The following PTGFRN variants were observed in gnomAD, a reference collection of about 807,000 sequenced individuals.
PTGFRN encodes prostaglandin F2 receptor negative regulator.
Under a neutral mutation model 83.2 loss-of-function variants are expected in PTGFRN, and 35 were observed. The observed-to-expected ratio is 0.42, with a 90% CI of 0.32 to 0.56. The LOEUF (loss-of-function observed/expected upper bound fraction) is 0.56, where lower values mean the gene tolerates loss of function less well. PTGFRN is among the 20% of genes least tolerant of loss of function. PTGFRN has a pLI of 0.11. For missense variants in PTGFRN, 1,051 were observed against 1,179.5 expected (o/e 0.89, Z 1.60); for synonymous variants, 519 against 498.6 (o/e 1.04, Z -0.55).
intron 5 of PTGFRN, among the ~76,000 whole-genome samples, chr1:116,964,548 A>G (rs577746862): frequency 1.3e-5 from 2 of 152,162 alleles, no homozygotes; most frequent in South Asian, 2.1e-4. Context: ...CTTCTTTTCT[A>G]TTTAACCTCA....
chr1:116,973,170 G>A (rs1651052336), intron 6 of PTGFRN, among the ~76,000 whole-genome samples: 4 of 151,962 alleles, frequency 2.6e-5, no homozygotes, highest in South Asian at 2.1e-4. Flanking sequence ...TACCTGCCTC[G>A]GCCTCCCAAA....
At chr1:116,951,217 G>A (rs1480922422) in intron 4 of PTGFRN, among the ~76,000 whole-genome samples, 2 of 152,246 alleles carry the variant, frequency 1.3e-5, no homozygotes, top group Admixed American at 1.3e-4. Context: ...TGCAGGGACT[G>A]TCAGACAACA....
chr1:116,936,908 TCTA>T (rs1196315409), intron 1 of PTGFRN, among the ~76,000 whole-genome samples: 1 of 152,126 alleles, frequency 6.6e-6, no homozygotes. Flanking sequence ...GAACTTACAT[TCTA>T]CTGGGGAAAA....
At chr1:116,986,003 T>C (rs951301587) in intron 8 of PTGFRN, among the ~76,000 whole-genome samples, 1 of 152,232 alleles carries the variant, frequency 6.6e-6, no homozygotes, top group Admixed American at 6.5e-5. Flanking sequence ...AAAAGCCTTT[T>C]GAGTGTTTCC....
Position 116,988,198 on chromosome 1 carries a change from G to A in PTGFRN, c.*1231G>A, listed in dbSNP as rs1047499528. ...CACTGCAGGGGGTTAGTGAGAAAGG[G>A]TATACTTTGTGGTATGTTTTGCTTT... On this transcript the variant is annotated 3_prime_UTR_variant, in exon 9 of 9. Transcript: ENST00000393203. The A allele has an allele frequency of 7.9e-5, 12 of 152,198 alleles. No homozygotes were observed. The highest frequency in any genetic ancestry group is 2.9e-4 in the African/African-American group (12 of 41,442). The allele number at this position is 152,198 out of a possible 1,614,324, so 9.4% of individuals were successfully genotyped here.
rs746902415 is a variant in PTGFRN, at chr1:116,949,194, C to G, written c.835C>G (p.Leu279Val). 5 of 1,571,476 alleles carry G rather than the reference C, an allele frequency of 3.2e-6. No homozygotes were observed. In the Admixed American group the frequency reaches 9.2e-5, roughly 29 times the overall value. ...TGTATTTGTTTTTAATTTTCAAGTT[C>G]TGCGAGCAGCTGTGCCCAAGAATGT... is the stretch of plus-strand genomic sequence containing the variant. The part of the protein sequence containing the change: ...VATVVIQPSV[L>V]RAAVPKNVSV... The change falls in exon 4 of 9, where the codon CTG becomes GTG. Residue 279 changes from leucine to valine, a missense_variant and splice_region_variant. Leu to Val is a conservative substitution (Grantham distance 32). Coordinates refer to ENST00000393203, the MANE Select transcript of PTGFRN (RefSeq NM_020440.4).
intron 1 of PTGFRN, among the ~76,000 whole-genome samples, chr1:116,924,143 ATTTTTTTTTTTT>A (rs147663868): frequency 1.7e-5 from 2 of 116,130 alleles, no homozygotes; most frequent in South Asian, 2.6e-4. Context: ...CTGTGCATGT[ATTTTTTTTTTTT>A]TTTTTTTTTT....
At chr1:116,972,381 AG>A (rs1421386311) in intron 6 of PTGFRN, among the ~76,000 whole-genome samples, 13 of 152,222 alleles carry the variant, frequency 8.5e-5, no homozygotes, top group Non-Finnish European at 1.3e-4. Flanking sequence ...AACCCCCACT[AG>A]GGTTCAATAT....
intron 1 of PTGFRN, among the ~76,000 whole-genome samples, chr1:116,912,521 C>G (rs1046599378): frequency 3.3e-5 from 5 of 152,180 alleles, no homozygotes; most frequent in African/African-American, 4.8e-5. Context: ...ATTCTTGGCT[C>G]TCCCCGTACC....
chr1:116,910,337 C>G, intron 1 of PTGFRN, 85 bp downstream of exon 1: 2 of 1,185,998 alleles, frequency 1.7e-6, no homozygotes, highest in East Asian at 6.7e-5. Context: ...AGCGCGCGGC[C>G]TGGGGCGCCG....
chr1:116,944,065 G>T (rs572339383), intron 2 of PTGFRN, among the ~76,000 whole-genome samples: 1 of 152,280 alleles, frequency 6.6e-6, no homozygotes, highest in South Asian at 2.1e-4. Context: ...CTATCATGTG[G>T]ATATGCTGTG....
chr1:116,966,050 A>T (rs1650820600), intron 5 of PTGFRN, among the ~76,000 whole-genome samples: 1 of 152,234 alleles, frequency 6.6e-6, no homozygotes, highest in Non-Finnish European at 1.5e-5. Flanking sequence ...TTGTAACTGG[A>T]TGGATTATAG....
At position 116,964,566 on chromosome 1, in the gene PTGFRN, G is replaced by A. The variant is rs545314127; in HGVS notation, c.1640-2345G>A. On this transcript the variant is annotated intron_variant, in intron 5 of 8. Coordinates refer to ENST00000393203, the MANE Select transcript of PTGFRN (RefSeq NM_020440.4). ...CTTTTCTATTTAACCTCACCTTCTT[G>A]GTGATGTCTCTAATCTCATCAATTT... Among the ~76,000 whole-genome samples, 3 of 152,156 alleles carry A rather than the reference G, an allele frequency of 2.0e-5. No individual in the cohort carries two copies. The East Asian group carries it at 5.8e-4, about 29-fold the overall frequency.
chr1:116,935,982 C>T (rs1031497788), intron 1 of PTGFRN, among the ~76,000 whole-genome samples: 4 of 152,046 alleles, frequency 2.6e-5, no homozygotes, highest in East Asian at 1.9e-4. Context: ...TACTTAGTAG[C>T]GGCATTTTTA....
chr1:116,918,430 C>G lies in PTGFRN; in HGVS notation c.49+8178C>G, dbSNP rs1649459681. The stretch of plus-strand genomic sequence containing the variant: ...ATGTAAGTTCCTAGAACTCTGCTAC[C>G]CCAACTGTGTTCTGTGGACCACCAG... On this transcript the variant is annotated intron_variant, in intron 1 of 8. Transcript: ENST00000393203. This position sits in a 1 kb window ranked among gnomAD's most constrained non-coding sequence, Gnocchi z 4.1. Among the ~76,000 whole-genome samples, 1 of 152,166 alleles carries G rather than the reference C, an allele frequency of 6.6e-6. No homozygotes were observed. The highest frequency in any genetic ancestry group is 1.5e-5 in the Non-Finnish European group (1 of 68,028).
intron 6 of PTGFRN, among the ~76,000 whole-genome samples, chr1:116,973,651 A>AT (rs970365666): frequency 1.2e-4 from 18 of 150,616 alleles, no homozygotes; most frequent in Non-Finnish European, 2.7e-4. Context: ...GGCTGCCTCC[A>AT]TTTTCCCTGG....
In PTGFRN at chr1:116,941,297, G is replaced by T. The variant is rs1650052276; in HGVS notation, c.50-418G>T. ...CAGGTCTCAGGAGCCCCAGGGAATGGTCTCTAGGGATGAGGGCTGATGGCT... is the reference window on the plus strand; with the variant it reads ...CAGGTCTCAGGAGCCCCAGGGAATGTTCTCTAGGGATGAGGGCTGATGGCT... On this transcript the variant is annotated intron_variant, in intron 1 of 8. Transcript: ENST00000393203. This position sits in a 1 kb window ranked among gnomAD's most constrained non-coding sequence, Gnocchi z 5.0. Among the ~76,000 whole-genome samples, 1 of 152,196 alleles carries T rather than the reference G, an allele frequency of 6.6e-6. No homozygotes were observed. Among genetic ancestry groups the T allele is most frequent in the South Asian group, 2.1e-4 (1 of 4,824 alleles).
intron 5 of PTGFRN, among the ~76,000 whole-genome samples, chr1:116,963,708 A>G (rs1650737505): frequency 6.6e-6 from 1 of 151,796 alleles, no homozygotes; most frequent in African/African-American, 2.4e-5. Context: ...CCTGGGCTCC[A>G]GTGATCCTTC....
At chr1:116,945,629 G>T (rs565073882) in intron 3 of PTGFRN, among the ~76,000 whole-genome samples, 1 of 152,230 alleles carries the variant, frequency 6.6e-6, no homozygotes, top group East Asian at 1.9e-4. Flanking sequence ...CCTGGAAGGG[G>T]GAGGAGCTCT....
Sources: gnomAD v4.1 joint callset for allele counts (sites outside exome capture counted in the v4.1 genomes callset) on GRCh38, gnomAD v4.1.1 for gene constraint, Gnocchi (gnomAD v3.1) non-coding constraint, MANE v1.5 for transcripts, NCBI Gene and HGNC (gene_info 2026-07-23, HGNC 2026-07-21) for gene names.